Variants in MACROD2 observed in about 807,000 individuals in gnomAD.
MACROD2 encodes the protein mono-ADP ribosylhydrolase 2.
In MACROD2, 36 loss-of-function variants were observed where a neutral mutation model predicts 70.4. The ratio of observed to expected loss-of-function variants is 0.51; its 90% CI spans 0.39 to 0.68. The LOEUF (loss-of-function observed/expected upper bound fraction) is 0.68, where lower values mean the gene tolerates loss of function less well. Ranked by LOEUF, MACROD2 falls within the 30% of genes least tolerant of loss-of-function variation. MACROD2 has a pLI of 0.00. For missense variants in MACROD2, 496 were observed against 538.4 expected, an observed-to-expected ratio of 0.92 and a Z score of 0.78; for synonymous variants, 172 against 178.8, an observed-to-expected ratio of 0.96 and a Z score of 0.30.
At chr20:14,441,879 C>G (rs984828399) in intron 3 of MACROD2, among the ~76,000 whole-genome samples, 4 of 151,950 alleles carry the variant, frequency 2.6e-5, no homozygotes, top group Non-Finnish European at 4.4e-5. Context: ...TACGCGTTTA[C>G]GAAGAAATGA....
chr20:14,511,005 T>C (rs1377500906), intron 4 of MACROD2, among the ~76,000 whole-genome samples: 1 of 151,976 alleles, frequency 6.6e-6, no homozygotes, highest in Non-Finnish European at 1.5e-5. Flanking sequence ...TTTTGGTAAG[T>C]CAGGAGATAA....
rs529808974 is a variant in MACROD2 at position 15,727,787 on chromosome 20, CTT to C, written c.646-134956_646-134955del. Among the ~76,000 whole-genome samples the C allele has an allele frequency of 1.8e-4, 28 of 151,766 alleles. No individual in the cohort carries two copies. In the South Asian group the frequency reaches 5.8e-3, roughly 31 times the overall value. On this transcript the variant is annotated intron_variant, in intron 8 of 17. Coordinates refer to ENST00000684519, the MANE Select transcript of MACROD2 (RefSeq NM_001351661.2). ...TGCTACTGATTTTTGTACTTTAAAA[CTT>C]TGCTGAAGTTGATTATCAGATCTAG...
intron 8 of MACROD2, among the ~76,000 whole-genome samples, chr20:15,540,979 T>C (rs1262259384): frequency 1.3e-5 from 2 of 152,172 alleles, no homozygotes; most frequent in Non-Finnish European, 2.9e-5. Flanking sequence ...ATTACATCAG[T>C]GGTGAGACCC....
chr20:14,379,097 T>C (rs758083910), intron 3 of MACROD2, among the ~76,000 whole-genome samples: 2 of 152,180 alleles, frequency 1.3e-5, no homozygotes, highest in Non-Finnish European at 2.9e-5. Flanking sequence ...TTTAGAGATA[T>C]TAACTCTTTG....
intron 7 of MACROD2, among the ~76,000 whole-genome samples, chr20:15,457,951 A>G (rs1247734874): frequency 6.9e-6 from 1 of 145,318 alleles, no homozygotes; most frequent in East Asian, 2.0e-4. Flanking sequence ...CCTTAAATGA[A>G]AAAAAAAAAA....
In MACROD2 at chr20:14,187,932, T is replaced by C. The variant is rs528183652; in HGVS notation, c.271+102204T>C. The stretch of plus-strand genomic sequence containing the variant: ...ACTGGTCTGTACTCAAATTGTGATA[T>C]TAATACAAAGGATTGAGGAGGTTCA... On this transcript the variant is annotated intron_variant, in intron 3 of 17. Coordinates refer to ENST00000684519, the MANE Select transcript of MACROD2 (RefSeq NM_001351661.2). Among the ~76,000 whole-genome samples the C allele has an allele frequency of 1.8e-4, 27 of 152,274 alleles. No homozygotes were observed. The South Asian group carries it at 5.4e-3, about 30-fold the overall frequency.
intron 3 of MACROD2, among the ~76,000 whole-genome samples, chr20:14,187,770 A>C (rs1374811011): frequency 6.6e-6 from 1 of 152,082 alleles, no homozygotes; most frequent in Non-Finnish European, 1.5e-5. Context: ...CTGGTTCCTT[A>C]TTTGCCTGTG....
intron 6 of MACROD2, among the ~76,000 whole-genome samples, chr20:15,354,543 A>C (rs942742899): frequency 6.6e-6 from 1 of 152,198 alleles, no homozygotes; most frequent in African/African-American, 2.4e-5. Context: ...GTAATATGAC[A>C]CTATTCTTTT....
chr20:14,140,150 G>T (rs1415681691), intron 3 of MACROD2, among the ~76,000 whole-genome samples: 2 of 152,130 alleles, frequency 1.3e-5, no homozygotes, highest in Non-Finnish European at 2.9e-5. Flanking sequence ...TATTAAGTTT[G>T]GTGGGATTTA....
intron 8 of MACROD2, among the ~76,000 whole-genome samples, chr20:15,583,123 C>T (rs146254325): frequency 6.6e-6 from 1 of 152,116 alleles, no homozygotes; most frequent in Non-Finnish European, 1.5e-5. Flanking sequence ...TCCATTTATC[C>T]TTTCCAAACC....
intron 7 of MACROD2, among the ~76,000 whole-genome samples, chr20:15,478,145 A>G (rs2047047063): frequency 6.6e-6 from 1 of 152,184 alleles, no homozygotes; most frequent in African/African-American, 2.4e-5. Flanking sequence ...CTGAGTTTAT[A>G]GGGGGGTTGT....
At chr20:14,984,548 T>G (rs1424766282) in intron 5 of MACROD2, among the ~76,000 whole-genome samples, 2 of 152,200 alleles carry the variant, frequency 1.3e-5, no homozygotes, top group Non-Finnish European at 2.9e-5. Context: ...AATAACAGTT[T>G]ACATTACATC....
At chr20:15,586,342 G>A (rs1485345650) in intron 8 of MACROD2, among the ~76,000 whole-genome samples, 1 of 152,200 alleles carries the variant, frequency 6.6e-6, no homozygotes, top group Non-Finnish European at 1.5e-5. Flanking sequence ...GGACCACACT[G>A]AGAACTGCTG....
chr20:14,079,115 T>C (rs1322521844), intron 2 of MACROD2, among the ~76,000 whole-genome samples: 1 of 152,238 alleles, frequency 6.6e-6, no homozygotes, highest in Non-Finnish European at 1.5e-5. Context: ...TCTTTTATTA[T>C]CCACAGATAG....
At chr20:14,809,246 A>G (rs1477910764) in intron 5 of MACROD2, among the ~76,000 whole-genome samples, 1 of 152,168 alleles carries the variant, frequency 6.6e-6, no homozygotes, top group Non-Finnish European at 1.5e-5. Context: ...CTCAGACCAC[A>G]GTGCAATCAA....
At chr20:15,933,377 A>G in intron 11 of MACROD2, 39 bp downstream of exon 11, 2 of 1,573,456 alleles carry the variant, frequency 1.3e-6, no homozygotes, top group Non-Finnish European at 1.7e-6. Flanking sequence ...CCTAGGCCTC[A>G]TCTGCAGAGG....
chr20:15,728,390 T>C (rs1219884148), intron 8 of MACROD2, among the ~76,000 whole-genome samples: 1 of 152,226 alleles, frequency 6.6e-6, no homozygotes, highest in East Asian at 1.9e-4. Flanking sequence ...TGCTAGGTTT[T>C]GGTATCAGGA....
At chr20:15,256,814 T>A (rs573754088) in intron 6 of MACROD2, among the ~76,000 whole-genome samples, 2 of 152,188 alleles carry the variant, frequency 1.3e-5, no homozygotes, top group East Asian at 3.9e-4. Context: ...CTAACAATAT[T>A]TGAAGCCTGT....
intron 9 of MACROD2, among the ~76,000 whole-genome samples, chr20:15,868,964 G>A (rs2064534101): frequency 6.6e-6 from 1 of 151,276 alleles, no homozygotes; most frequent in Admixed American, 6.6e-5. Context: ...TTATTTGTTT[G>A]TTTGTTCTTT....
Sources: gnomAD v4.1 joint callset for allele counts (sites outside exome capture counted in the v4.1 genomes callset) on GRCh38, gnomAD v4.1.1 for gene constraint, MANE v1.5 for transcripts, NCBI Gene and HGNC (gene_info 2026-07-23, HGNC 2026-07-21) for gene names.